BICDL1: variants seen among roughly 807,000 people sequenced by gnomAD.
The protein encoded by BICDL1 is BICD family like cargo adaptor 1, also known as BICD family-like cargo adapter 1.
Under a neutral mutation model 76.8 loss-of-function variants are expected in BICDL1, and 20 were observed. The observed-to-expected ratio is 0.26, with a 90% confidence interval of 0.18 to 0.38. The LOEUF is 0.38. Ranked by LOEUF, BICDL1 falls within the 10% of genes least tolerant of loss-of-function variation. BICDL1 has a pLI of 1.00. For synonymous variants in BICDL1, 383 were observed against 337.1 expected (o/e 1.14, Z -1.49); for missense variants, 700 against 798.6 (o/e 0.88, Z 1.49).
At chr12:120,041,691 G>A (rs962330169) in intron 2 of BICDL1, among the ~76,000 whole-genome samples, 1 of 152,188 alleles carries the variant, frequency 6.6e-6, no homozygotes, top group Non-Finnish European at 1.5e-5. Context: ...GAAGAGACCC[G>A]AGTGGAGTGC....
intron 2 of BICDL1, among the ~76,000 whole-genome samples, chr12:120,029,929 G>A (rs977392262): frequency 2.0e-5 from 3 of 152,142 alleles, no homozygotes; most frequent in African/African-American, 4.8e-5. Flanking sequence ...TTATAGGAGT[G>A]AGCCACCATG....
At chr12:120,054,074 CTTT>C (rs35079479) in intron 2 of BICDL1, among the ~76,000 whole-genome samples, 6 of 140,456 alleles carry the variant, frequency 4.3e-5, no homozygotes, top group Non-Finnish European at 3.1e-5. Context: ...AAAATTGTAA[CTTT>C]TTTTTTTTTT....
intron 1 of BICDL1, among the ~76,000 whole-genome samples, chr12:119,994,086 G>T (rs1190154005): frequency 6.6e-6 from 1 of 152,192 alleles, no homozygotes; most frequent in Non-Finnish European, 1.5e-5. Context: ...AATATTTGTT[G>T]TTAATGTACA....
At chr12:120,081,300 G>A (rs1873963172) in intron 8 of BICDL1, among the ~76,000 whole-genome samples, 1 of 149,180 alleles carries the variant, frequency 6.7e-6, no homozygotes, top group Non-Finnish European at 1.5e-5. Context: ...TCAATAGGAT[G>A]ATACTCTACA....
chr12:119,998,679 A>G lies in BICDL1; in HGVS notation c.588A>G (p.Ser196=), dbSNP rs1594093522. 6.2e-7 allele frequency: 1 copy of G among 1,614,194 alleles called. No homozygotes were observed. The change falls in exon 2 of 10, where the codon TCA becomes TCG. Residue 196 remains serine (S), a synonymous_variant. Coordinates refer to ENST00000548673, the MANE Select transcript of BICDL1 (RefSeq NM_001367886.1). ...TGCGGGAAGCAGATCGAGAAAAATC[A>G]CGGGCTGTCCAGGAACTGTCGGAAC... ...IHLREADREK[S]RAVQELSEQN...
rs566639916 is a variant in BICDL1 at position 120,021,310 on chromosome 12, G to A, written c.645+22574G>A. 3.4e-5 allele frequency among the ~76,000 whole-genome samples: 5 copies of A among 148,830 alleles called. No individual in the cohort carries two copies. The South Asian group carries it at 1.1e-3, about 32-fold the overall frequency. Reference sequence around the variant, plus strand: ...AAAAAAAAAAGGAGAGAATAGGCAGGGCACGGTGGCTAACATCTGTAATCC... The same window carrying A: ...AAAAAAAAAAGGAGAGAATAGGCAGAGCACGGTGGCTAACATCTGTAATCC... On this transcript the variant is annotated intron_variant, in intron 2 of 9. Transcript: ENST00000548673.
chr12:120,077,685 A>G (rs559274868), intron 7 of BICDL1, among the ~76,000 whole-genome samples: 45 of 152,218 alleles, frequency 3.0e-4, no homozygotes, highest in Non-Finnish European at 5.1e-4. Flanking sequence ...AAATCTCAGC[A>G]TGGCCATCTC....
intron 9 of BICDL1, chr12:120,091,253 G>GA (rs1337043111): frequency 1.8e-6 from 2 of 1,139,344 alleles, no homozygotes; most frequent in Admixed American, 4.1e-5. Flanking sequence ...ATAGATGGCT[G>GA]TTCCATCCAC....
At chr12:120,049,737 A>G (rs1952817193) in intron 2 of BICDL1, among the ~76,000 whole-genome samples, 1 of 152,100 alleles carries the variant, frequency 6.6e-6, no homozygotes, top group African/African-American at 2.4e-5. Flanking sequence ...GACTATACTA[A>G]CGTAGTGCTT....
chr12:119,995,240 A>G (rs1594087473), intron 1 of BICDL1, among the ~76,000 whole-genome samples: 1 of 152,352 alleles, frequency 6.6e-6, no homozygotes, highest in African/African-American at 2.4e-5. Flanking sequence ...ATATAATTCT[A>G]GGAGAAACTT....
At chr12:120,001,392 G>A (rs560126768) in intron 2 of BICDL1, among the ~76,000 whole-genome samples, 124 of 151,946 alleles carry the variant, frequency 8.2e-4, no homozygotes, top group Non-Finnish European at 1.6e-3. Context: ...GACTACAGGC[G>A]CCTGCCACCA....
intron 2 of BICDL1, among the ~76,000 whole-genome samples, chr12:120,031,203 CTTT>C (rs140797711): frequency 8.4e-5 from 11 of 130,812 alleles, no homozygotes; most frequent in African/African-American, 5.9e-5. Context: ...TAACATGTTC[CTTT>C]TTTTTTTTTT....
chr12:120,011,989 C>T lies in BICDL1; in HGVS notation c.645+13253C>T, dbSNP rs536747989. The stretch of plus-strand genomic sequence containing the variant: ...GATTCCTTCGCTCTCTAAATGTCCA[C>T]ATGTACGTATGCGATCTCTGTTGGA... On this transcript the variant is annotated intron_variant, in intron 2 of 9. Transcript: ENST00000548673. Among the ~76,000 whole-genome samples the T allele has an allele frequency of 7.9e-5, 12 of 152,344 alleles. 1 individual carries two copies. The East Asian group carries it at 2.1e-3, about 27-fold the overall frequency.
At chr12:120,002,907 A>G (rs181153221) in intron 2 of BICDL1, among the ~76,000 whole-genome samples, 1 of 152,322 alleles carries the variant, frequency 6.6e-6, no homozygotes, top group East Asian at 1.9e-4. Context: ...CTGTAATCCC[A>G]GCACTTTGAG....
intron 2 of BICDL1, among the ~76,000 whole-genome samples, chr12:120,033,367 CT>C (rs569302592): frequency 1.3e-3 from 101 of 77,606 alleles, no homozygotes; most frequent in South Asian, 3.9e-3. Flanking sequence ...GAGTTCTTGC[CT>C]TTTTTTTTTT....
At chr12:120,070,733 CT>C (rs72233478) in intron 4 of BICDL1, among the ~76,000 whole-genome samples, 219 of 141,716 alleles carry the variant, frequency 1.5e-3, no homozygotes, top group Middle Eastern at 0.015. Context: ...TGGTATAACT[CT>C]TTTTTTTTTT....
At chr12:120,003,307 A>T (rs1481471272) in intron 2 of BICDL1, among the ~76,000 whole-genome samples, 1 of 152,208 alleles carries the variant, frequency 6.6e-6, no homozygotes, top group Admixed American at 6.5e-5. Context: ...ACTCTATGAG[A>T]GCAGGGACTC....
At chr12:120,040,104 C>CT (rs936279337) in intron 2 of BICDL1, among the ~76,000 whole-genome samples, 10 of 151,342 alleles carry the variant, frequency 6.6e-5, no homozygotes, top group Non-Finnish European at 1.0e-4. Context: ...CTTTTCTTTT[C>CT]TTTTTTTTGT....
intron 2 of BICDL1, among the ~76,000 whole-genome samples, chr12:120,010,270 A>AT (rs1348892512): frequency 6.6e-5 from 10 of 152,240 alleles, no homozygotes; most frequent in Non-Finnish European, 1.0e-4. Context: ...TGTTTTCAAT[A>AT]TTTAAAATCA....
Sources: allele counts gnomAD v4.1 joint callset (sites outside exome capture counted in the v4.1 genomes callset), GRCh38; gene constraint gnomAD v4.1.1; transcripts MANE v1.5; gene names NCBI Gene and HGNC (gene_info 2026-07-23, HGNC 2026-07-21).